The following SHROOM2 variants were observed in gnomAD, a reference collection of about 807,000 sequenced individuals.
SHROOM2 encodes shroom family member 2, also known as protein Shroom2.
SHROOM2 carries 33 observed loss-of-function variants against 75.9 expected under a neutral mutation model. The ratio of observed to expected loss-of-function variants is 0.43; its 90% CI spans 0.33 to 0.58. The LOEUF (loss-of-function observed/expected upper bound fraction) is 0.58, where lower values mean the gene tolerates loss of function less well. SHROOM2 is among the 20% of genes least tolerant of loss of function. The pLI is 0.04. For missense variants in SHROOM2, 1,434 were observed against 1,461.2 expected, an observed-to-expected ratio of 0.98 and a Z score of 0.30; for synonymous variants, 655 against 663.6, an observed-to-expected ratio of 0.99 and a Z score of 0.20.
rs1285593757 is a variant in SHROOM2, at chrX:9,895,273, C to T, written c.1365C>T (p.Asp455=). The change falls in exon 4 of 10, where the codon GAC becomes GAT. Residue 455 remains aspartate (D), a synonymous_variant. Coordinates refer to ENST00000380913, the MANE Select transcript of SHROOM2 (RefSeq NM_001649.4). ...QEPGAASFQN[D]SPPQVRGLSS... The stretch of plus-strand genomic sequence containing the variant: ...CAGGGGCTGCCAGCTTCCAGAACGA[C>T]AGCCCTCCTCAGGTGAGGGGGCTCA... 3.4e-6 allele frequency: 4 copies of T among 1,182,702 alleles called. No homozygotes were observed.
intron 1 of SHROOM2, among the ~76,000 whole-genome samples, chrX:9,808,755 G>A (rs374316346): frequency 8.2e-5 from 9 of 109,990 alleles, no homozygotes; most frequent in South Asian, 4.0e-4. Flanking sequence ...CCAGCTACTC[G>A]GGAGGCTGAG....
intron 1 of SHROOM2, among the ~76,000 whole-genome samples, chrX:9,870,994 C>T (rs1014758865): frequency 1.2e-4 from 13 of 111,639 alleles, no homozygotes; most frequent in Non-Finnish European, 2.1e-4. Context: ...TAGAAAAACA[C>T]TTCTGTGGTC....
chrX:9,937,001 G>A (rs1030825060), intron 6 of SHROOM2, 133 bp from the exon 7 acceptor site: 1 of 606,736 alleles, frequency 1.6e-6, no homozygotes, highest in Non-Finnish European at 2.5e-6. Context: ...GATCATGGAG[G>A]CTCCTTCGAG....
intron 1 of SHROOM2, among the ~76,000 whole-genome samples, chrX:9,862,960 A>G (rs183641318): frequency 9.0e-6 from 1 of 110,970 alleles, no homozygotes; most frequent in Non-Finnish European, 1.9e-5. Context: ...TGCTCTGTGA[A>G]ATTCAGGGCT....
At chrX:9,940,177 G>A (rs1367517838) in intron 8 of SHROOM2, among the ~76,000 whole-genome samples, 2 of 111,571 alleles carry the variant, frequency 1.8e-5, no homozygotes, top group Admixed American at 1.9e-4. Context: ...TCTGGCACAC[G>A]GTACCATTCG....
At chrX:9,832,259 A>G (rs1336269269) in intron 1 of SHROOM2, among the ~76,000 whole-genome samples, 2 of 111,735 alleles carry the variant, frequency 1.8e-5, no homozygotes, top group African/African-American at 6.5e-5. Flanking sequence ...GGGCTTGGCC[A>G]GGGATCCATC....
intron 5 of SHROOM2, among the ~76,000 whole-genome samples, chrX:9,908,051 A>G (rs1273857833): frequency 1.8e-5 from 2 of 112,834 alleles, no homozygotes; most frequent in Non-Finnish European, 3.7e-5. Context: ...GATGTTTTCA[A>G]AGAGGCTTCT....
chrX:9,836,094 G>A (rs1460998973), intron 1 of SHROOM2, among the ~76,000 whole-genome samples: 4 of 112,270 alleles, frequency 3.6e-5, no homozygotes, highest in Non-Finnish European at 7.5e-5. Context: ...GGGGAGGGGA[G>A]GGGCAGCAGA....
chrX:9,934,416 C>G (rs2084679858), intron 6 of SHROOM2, among the ~76,000 whole-genome samples: 1 of 111,490 alleles, frequency 9.0e-6, no homozygotes, highest in South Asian at 3.8e-4. Context: ...TCTCTGTGGG[C>G]CAAAACTGGG....
chrX:9,896,061 T>A lies in SHROOM2; in HGVS notation c.2153T>A (p.Met718Lys), dbSNP rs982118856. 1 of 1,210,727 alleles carries A rather than the reference T, an allele frequency of 8.3e-7. No individual in the cohort carries two copies. ...TACCCGGAGTCACTGGAACACCGGA[T>A]GGGGGATCCAGACACTGTCCCCCAC... ...DLYPESLEHR[M>K]GDPDTVPHFW... is the part of the protein sequence containing the mutation. The change falls in exon 4 of 10, where the codon ATG becomes AAG. Residue 718 changes from methionine to lysine, a missense_variant. By Grantham distance (95) the Met-to-Lys change is moderately conservative (BLOSUM62 -1). Around this residue, in one of 3 missense-constraint regions of SHROOM2, gnomAD observed 1,340 missense variants for 1,338.3 expected, o/e 1.00. Transcript: ENST00000380913.
intron 2 of SHROOM2, among the ~76,000 whole-genome samples, chrX:9,875,110 A>AAAAAAAAAAAAAAAAAG (rs2084192753): frequency 2.1e-5 from 2 of 93,114 alleles, no homozygotes; most frequent in Non-Finnish European, 4.2e-5. Context: ...AAAAAAAAAA[A>AAAAAAAAAAAAAAAAAG]GGGGAGGAAG....
At chrX:9,911,788 G>A (rs1256617886) in intron 5 of SHROOM2, among the ~76,000 whole-genome samples, 1 of 111,635 alleles carries the variant, frequency 9.0e-6, no homozygotes, top group Non-Finnish European at 1.9e-5. Flanking sequence ...ATCAACCCAA[G>A]AATATATGGA....
chrX:9,788,532 T>C (rs2083629838), intron 1 of SHROOM2, among the ~76,000 whole-genome samples: 1 of 111,266 alleles, frequency 9.0e-6, no homozygotes, highest in Non-Finnish European at 1.9e-5. Context: ...GCCCATTTTA[T>C]AGATGAAACA....
chrX:9,872,303 G>A (rs1214293326), intron 1 of SHROOM2, among the ~76,000 whole-genome samples: 3 of 113,078 alleles, frequency 2.7e-5, no homozygotes, highest in Admixed American at 9.3e-5. Context: ...GGTGGCTCAC[G>A]CCTCTAATCC....
At chrX:9,794,883 G>A (rs1218229432) in intron 1 of SHROOM2, among the ~76,000 whole-genome samples, 3 of 111,109 alleles carry the variant, frequency 2.7e-5, no homozygotes, top group African/African-American at 9.8e-5. Context: ...AGACACACCG[G>A]GGGTCATCTT....
intron 1 of SHROOM2, among the ~76,000 whole-genome samples, chrX:9,855,295 T>TAAAAAAAAAAAAA (rs57235424): frequency 7.6e-5 from 3 of 39,298 alleles, no homozygotes; most frequent in African/African-American, 2.8e-4. Context: ...TAAAGTATAG[T>TAAAAAAAAAAAAA]AAAAAAAAAA....
chrX:9,894,500 G>A lies in SHROOM2; in HGVS notation c.592G>A (p.Asp198Asn), dbSNP rs1283200674. The stretch of plus-strand genomic sequence containing the variant: ...GGTGGCCAAGTCCAACAGCAGCATC[G>A]ACCACCTGGGCAGCCACAGCAAGCG... Reference protein sequence around the residue: ...LSVAKSNSSIDHLGSHSKRDS... With the variant: ...LSVAKSNSSINHLGSHSKRDS... Residue 198 changes from aspartate (D) to asparagine (N), a missense_variant, in exon 4 of 10, where the codon GAC becomes AAC. This residue lies in a region of SHROOM2 where 1,340 missense variants were observed against 1,338.3 expected (regional missense o/e 1.00). Coordinates refer to ENST00000380913, the MANE Select transcript of SHROOM2 (RefSeq NM_001649.4). 7.4e-6 allele frequency: 9 copies of A among 1,210,481 alleles called. No homozygotes were observed. The highest frequency in any genetic ancestry group is 1.0e-5 in the Non-Finnish European group (9 of 895,303).
At position 9,818,247 on chromosome X, in the gene SHROOM2, C is replaced by G. The variant is rs58185957; in HGVS notation, c.165+31537C>G. On this transcript the variant is annotated intron_variant, in intron 1 of 9. Coordinates refer to ENST00000380913, the MANE Select transcript of SHROOM2 (RefSeq NM_001649.4). ...TTGTATCCATCCCATTAAATGGCAT[C>G]AATATCAATGTCATCATCCTTGTTG... is the stretch of plus-strand genomic sequence containing the variant. The G allele has an allele frequency of 9.2e-3, 1,864 of 202,392 alleles. 38 individuals are homozygous for G. Among genetic ancestry groups the G allele is most frequent in the African/African-American group, 0.053 (1,756 of 32,955 alleles). The allele number at this position is 202,392 out of a possible 1,213,427, so 16.7% of individuals were successfully genotyped here.
chrX:9,896,307 T>G lies in SHROOM2; in HGVS notation c.2399T>G (p.Phe800Cys). 1 of 1,211,641 alleles carries G rather than the reference T, an allele frequency of 8.3e-7. No individual in the cohort carries two copies. The highest frequency in any genetic ancestry group is 1.1e-6 in the Non-Finnish European group (1 of 895,415). The stretch of plus-strand genomic sequence containing the variant: ...GGCACGTTTGCTGACAGGTGGAAGT[T>G]TTTTGAGGAAACGAGCAAACCTGTT... ...TVGTFADRWK[F>C]FEETSKPVPQ... The change falls in exon 4 of 10, where the codon TTT (phenylalanine) becomes TGT (cysteine). Residue 800 changes from phenylalanine to cysteine, a missense_variant. This residue lies in a region of SHROOM2 where 1,340 missense variants were observed against 1,338.3 expected (regional missense o/e 1.00). Coordinates refer to ENST00000380913, the MANE Select transcript of SHROOM2 (RefSeq NM_001649.4).
Sources: allele counts gnomAD v4.1 joint callset (sites outside exome capture counted in the v4.1 genomes callset), GRCh38; gene constraint gnomAD v4.1.1; regional missense constraint gnomAD v4.1.1; transcripts MANE v1.5; gene names NCBI Gene and HGNC (gene_info 2026-07-23, HGNC 2026-07-21).